The following SSH1 variants were observed in gnomAD, a reference collection of about 807,000 sequenced individuals.
SSH1 encodes the protein protein phosphatase Slingshot homolog 1.
SSH1 carries 43 observed loss-of-function variants against 79.7 expected under a neutral mutation model. That is an observed-to-expected ratio of 0.54 (90% confidence interval 0.42 to 0.70). The LOEUF (loss-of-function observed/expected upper bound fraction) is 0.70. Ranked by LOEUF, SSH1 falls within the 30% of genes least tolerant of loss-of-function variation. The pLI is 0.00. For synonymous variants in SSH1, 599 were observed against 538.3 expected (o/e 1.11, Z -1.56); for missense variants, 1,206 against 1,358.8 (o/e 0.89, Z 1.77).
At chr12:108,849,685 A>G (rs1258220193) in intron 2 of SSH1, among the ~76,000 whole-genome samples, 1 of 151,008 alleles carries the variant, frequency 6.6e-6, no homozygotes, top group Non-Finnish European at 1.5e-5. Context: ...TAAGCTATTA[A>G]AGGTAACTAA....
rs1463172686 is a variant in SSH1, at chr12:108,786,086, T to C, written c.*1902A>G. On this transcript the variant is annotated 3_prime_UTR_variant, in exon 15 of 15. Coordinates refer to ENST00000326495, the MANE Select transcript of SSH1 (RefSeq NM_018984.4). Reference sequence around the variant, plus strand: ...TGTGCTCACTAGGTAAAATATGAACTAGCCTTGTTCCTGCAGATCCCTCCT... The same window carrying C: ...TGTGCTCACTAGGTAAAATATGAACCAGCCTTGTTCCTGCAGATCCCTCCT... 1 of 152,216 alleles carries C rather than the reference T, an allele frequency of 6.6e-6. No homozygotes were observed. Among genetic ancestry groups the C allele is most frequent in the Non-Finnish European group, 1.5e-5 (1 of 68,030 alleles). 9.4% of individuals were successfully genotyped at this position (152,216 alleles called of 1,614,324 possible).
chr12:108,799,770 G>A (rs1441057904), intron 12 of SSH1, among the ~76,000 whole-genome samples: 5 of 152,224 alleles, frequency 3.3e-5, no homozygotes, highest in Admixed American at 2.0e-4. Flanking sequence ...GTGGAAGATG[G>A]GGCTGGCCGT....
chr12:108,852,228 T>C (rs905197424), intron 2 of SSH1, among the ~76,000 whole-genome samples: 1 of 151,406 alleles, frequency 6.6e-6, no homozygotes, highest in African/African-American at 2.5e-5. Flanking sequence ...CACTAAAAAA[T>C]TGGCATATTC....
rs2036317068 is a variant in SSH1 at position 108,787,582 on chromosome 12, G to A, written c.*406C>T. On this transcript the variant is annotated 3_prime_UTR_variant, in exon 15 of 15. Coordinates refer to ENST00000326495, the MANE Select transcript of SSH1 (RefSeq NM_018984.4). ...TAGGACTTAATGTTGCCATCCGAGA[G>A]TTTTCTGCGAGGCCAAGAATGAGCT... 1 of 214,170 alleles carries A rather than the reference G, an allele frequency of 4.7e-6. No homozygotes were observed. Among genetic ancestry groups the A allele is most frequent in the African/African-American group, 2.3e-5 (1 of 43,520 alleles). 13.3% of individuals were successfully genotyped at this position (214,170 alleles called of 1,614,324 possible).
At chr12:108,806,446 C>A in intron 8 of SSH1, 52 bp from the exon 9 acceptor site, 1 of 1,560,026 alleles carries the variant, frequency 6.4e-7, no homozygotes, top group South Asian at 1.1e-5. Flanking sequence ...AGCTTGTGGT[C>A]GGAGGTTACA....
At chr12:108,844,146 T>C (rs964987640) in intron 2 of SSH1, among the ~76,000 whole-genome samples, 4 of 151,962 alleles carry the variant, frequency 2.6e-5, no homozygotes, top group African/African-American at 9.7e-5. Context: ...CCCTACAAGC[T>C]GTGTACTATA....
At chr12:108,856,355 C>T (rs1342546124) in intron 1 of SSH1, among the ~76,000 whole-genome samples, 29 of 152,230 alleles carry the variant, frequency 1.9e-4, no homozygotes, top group Admixed American at 1.9e-3. Context: ...GGCAACAGTG[C>T]CCTCAATCAA....
chr12:108,798,951 G>A (rs775719890), intron 13 of SSH1, 49 bp downstream of exon 13: 5 of 1,598,908 alleles, frequency 3.1e-6, no homozygotes, highest in Non-Finnish European at 4.3e-6. Context: ...TTGGCCACAT[G>A]GCTGCTCCAG....
intron 12 of SSH1, among the ~76,000 whole-genome samples, chr12:108,799,461 G>A (rs2036894261): frequency 6.6e-6 from 1 of 152,214 alleles, no homozygotes; most frequent in African/African-American, 2.4e-5. Context: ...GCCTGGCCAT[G>A]TTTTGTTTGC....
chr12:108,799,135 A>G lies in SSH1; in HGVS notation c.1214T>C (p.Ile405Thr). The stretch of plus-strand genomic sequence containing the variant: ...GCCGAATTCCTTCATTGCATAGGCT[A>G]TGACTGTGGAGGCCGAGCGACTCAC... ...MGVSRSASTV[I>T]AYAMKEFGWP... is the part of the protein sequence containing the mutation. Residue 405 changes from isoleucine to threonine, a missense_variant, in exon 13 of 15, where the codon ATA (isoleucine) becomes ACA (threonine). By Grantham distance (89) the Ile-to-Thr change is moderately conservative. Coordinates refer to ENST00000326495, the MANE Select transcript of SSH1 (RefSeq NM_018984.4). 6.2e-7 allele frequency: 1 copy of G among 1,614,238 alleles called. No individual in the cohort carries two copies. Among genetic ancestry groups the G allele is most frequent in the Non-Finnish European group, 8.5e-7 (1 of 1,180,044 alleles).
At chr12:108,797,411 C>G (rs900948182) in intron 13 of SSH1, among the ~76,000 whole-genome samples, 1 of 152,152 alleles carries the variant, frequency 6.6e-6, no homozygotes, top group African/African-American at 2.4e-5. Context: ...ACCTTCAAGC[C>G]GAAAAGCCTG....
rs892912909 is a variant in SSH1 at position 108,788,594 on chromosome 12, G to A, written c.2544C>T (p.Ala848=). 3.1e-6 allele frequency: 5 copies of A among 1,605,534 alleles called. No homozygotes were observed. The highest frequency in any genetic ancestry group is 4.3e-6 in the Non-Finnish European group (5 of 1,173,972). Reference sequence around the variant, plus strand: ...CGGGGATGCTGGCCTCCAGCCTGCTGGCAGGGCCATCCCTGGAGGGAGGTG... The same window carrying A: ...CGGGGATGCTGGCCTCCAGCCTGCTAGCAGGGCCATCCCTGGAGGGAGGTG... ...DPAPPSRDGP[A]SRLEASIPEE... Residue 848 remains alanine (A), a synonymous_variant, in exon 15 of 15, where the codon GCC becomes GCT. Coordinates refer to ENST00000326495, the MANE Select transcript of SSH1 (RefSeq NM_018984.4).
At chr12:108,839,159 G>A (rs2038715429) in intron 2 of SSH1, among the ~76,000 whole-genome samples, 1 of 152,146 alleles carries the variant, frequency 6.6e-6, no homozygotes, top group African/African-American at 2.4e-5. Context: ...AATACACATG[G>A]GCTGAATGGA....
chr12:108,851,073 C>T (rs2039029212), intron 2 of SSH1, among the ~76,000 whole-genome samples: 2 of 152,038 alleles, frequency 1.3e-5, no homozygotes, highest in Admixed American at 6.5e-5. Flanking sequence ...CTGACGTGGG[C>T]CCTGACCTGA....
intron 2 of SSH1, chr12:108,834,068 C>T (rs953784121): frequency 1.3e-5 from 2 of 152,224 alleles, no homozygotes; most frequent in African/African-American, 2.4e-5. Context: ...CATTGTATGT[C>T]GTTAACCTAA....
intron 3 of SSH1, among the ~76,000 whole-genome samples, chr12:108,820,397 G>A (rs1360042222): frequency 2.6e-5 from 4 of 152,246 alleles, no homozygotes; most frequent in Non-Finnish European, 5.9e-5. Context: ...GCAACACAAC[G>A]ACAACGACCA....
intron 2 of SSH1, among the ~76,000 whole-genome samples, chr12:108,828,482 G>A (rs576798319): frequency 1.3e-5 from 2 of 152,298 alleles, no homozygotes; most frequent in South Asian, 4.1e-4. Flanking sequence ...GCCTGCCCAG[G>A]TGCCTAATGG....
chr12:108,789,977 A>C (rs1593001484), intron 14 of SSH1, among the ~76,000 whole-genome samples: 1 of 150,470 alleles, frequency 6.6e-6, no homozygotes, highest in Admixed American at 6.6e-5. Flanking sequence ...TACAGGTGTG[A>C]GCGACTACAC....
At chr12:108,835,549 T>C (rs2038581960) in intron 2 of SSH1, among the ~76,000 whole-genome samples, 1 of 152,234 alleles carries the variant, frequency 6.6e-6, no homozygotes, top group Non-Finnish European at 1.5e-5. Context: ...AGTGTAACTC[T>C]GAAACCTCTG....
Sources: gnomAD v4.1 joint callset for allele counts (sites outside exome capture counted in the v4.1 genomes callset) on GRCh38, gnomAD v4.1.1 for gene constraint, MANE v1.5 for transcripts, NCBI Gene and HGNC (gene_info 2026-07-23, HGNC 2026-07-21) for gene names.